RGS7: variants seen among roughly 807,000 people sequenced by gnomAD.
RGS7 encodes the protein regulator of G protein signaling 7.
In RGS7, 27 loss-of-function variants were observed where a neutral mutation model predicts 81.1. The ratio of observed to expected loss-of-function variants is 0.33; its 90% CI spans 0.25 to 0.46. The LOEUF (loss-of-function observed/expected upper bound fraction) is 0.46, where lower values mean the gene tolerates loss of function less well. Among genes scored for constraint, RGS7 ranks in the 20% least tolerant of loss-of-function variants. The pLI is 1.00. For synonymous variants in RGS7, 208 were observed against 207.7 expected, an observed-to-expected ratio of 1.00 and a Z score of -0.01; for missense variants, 396 against 607.4, an observed-to-expected ratio of 0.65 and a Z score of 3.66.
At chr1:241,018,547 G>T (rs886605870) in intron 3 of RGS7, among the ~76,000 whole-genome samples, 1 of 151,848 alleles carries the variant, frequency 6.6e-6, no homozygotes, top group East Asian at 1.9e-4. Flanking sequence ...TTGATTTGGG[G>T]GATATTCTTG....
At chr1:240,795,867 G>A (rs900716360) in intron 18 of RGS7, among the ~76,000 whole-genome samples, 1 of 152,182 alleles carries the variant, frequency 6.6e-6, no homozygotes, top group African/African-American at 2.4e-5. Flanking sequence ...GCTAATTGGA[G>A]CTGTGTCTGG....
intron 2 of RGS7, among the ~76,000 whole-genome samples, chr1:241,218,644 TTTTG>T (rs1345425424): frequency 2.6e-5 from 4 of 152,054 alleles, no homozygotes; most frequent in African/African-American, 7.2e-5. Flanking sequence ...GAATTACAAT[TTTTG>T]TTTGTTTGTT....
chr1:241,110,030 T>C lies in RGS7; in HGVS notation c.79-11268A>G, dbSNP rs555335575. On this transcript the variant is annotated intron_variant, in intron 2 of 18. Transcript: ENST00000440928. ...TTAAAATATTAAACGTTAAGTTCTTTATTCAAATGTCTGTTGTAACACATT... is the reference window on the plus strand; with the variant it reads ...TTAAAATATTAAACGTTAAGTTCTTCATTCAAATGTCTGTTGTAACACATT... Among the ~76,000 whole-genome samples, 6 of 152,304 alleles carry C rather than the reference T, an allele frequency of 3.9e-5. No individual in the cohort carries two copies. The East Asian group carries it at 1.2e-3, about 29-fold the overall frequency.
At position 240,808,067 on chromosome 1, in the gene RGS7, C is replaced by T. The variant is rs7524602; in HGVS notation, c.1083-1741G>A. On this transcript the variant is annotated intron_variant, in intron 14 of 18. Coordinates refer to ENST00000440928, the MANE Select transcript of RGS7 (RefSeq NM_001364886.1). Reference sequence around the variant, plus strand: ...AAAAAAAAAAAAAGGGAATACTACGCATAATCCGAGGGAGCAGAAGTGTTG... The same window carrying T: ...AAAAAAAAAAAAAGGGAATACTACGTATAATCCGAGGGAGCAGAAGTGTTG... Among the ~76,000 whole-genome samples, 1,219 of 148,844 alleles carry T rather than the reference C, an allele frequency of 8.2e-3. 24 individuals carry two copies. The highest frequency in any genetic ancestry group is 0.025 in the South Asian group (117 of 4,738).
At chr1:240,860,457 T>A (rs1227581922) in intron 9 of RGS7, among the ~76,000 whole-genome samples, 1 of 152,172 alleles carries the variant, frequency 6.6e-6, no homozygotes, top group Non-Finnish European at 1.5e-5. Flanking sequence ...TATGTAATAT[T>A]CCTCTTTATC....
chr1:240,898,420 A>C (rs1048810585), intron 6 of RGS7, among the ~76,000 whole-genome samples: 1 of 152,092 alleles, frequency 6.6e-6, no homozygotes, highest in Non-Finnish European at 1.5e-5. Flanking sequence ...GTGGTCATTT[A>C]GTGGTATAAA....
At chr1:240,789,162 T>C (rs184957432) in intron 18 of RGS7, among the ~76,000 whole-genome samples, 1 of 151,416 alleles carries the variant, frequency 6.6e-6, no homozygotes, top group East Asian at 1.9e-4. Context: ...TCTCTGAACA[T>C]AAATTGTGAA....
intron 14 of RGS7, among the ~76,000 whole-genome samples, chr1:240,806,628 G>T (rs941217686): frequency 3.3e-5 from 5 of 151,772 alleles, no homozygotes; most frequent in African/African-American, 1.2e-4. Flanking sequence ...AGTGTTTGTT[G>T]TTAAAAGCAG....
chr1:240,842,733 C>T (rs1316783871), intron 9 of RGS7, among the ~76,000 whole-genome samples: 1 of 152,012 alleles, frequency 6.6e-6, no homozygotes, highest in Admixed American at 6.6e-5. Context: ...GTTGGAGTTG[C>T]ATTTCCTTTC....
In RGS7 at chr1:241,147,795, T is replaced by TG. The variant is rs1417013378; in HGVS notation, c.79-49034_79-49033insC. 1.7e-5 allele frequency among the ~76,000 whole-genome samples: 2 copies of TG among 115,712 alleles called. 1 individual carries two copies. Among genetic ancestry groups the TG allele is most frequent in the Non-Finnish European group, 3.5e-5 (2 of 57,504 alleles). 75.9% of individuals were successfully genotyped at this position (115,712 alleles called of 152,430 possible). On this transcript the variant is annotated intron_variant, in intron 2 of 18. Transcript: ENST00000440928. ...AGATTAAGTTTTATATATATATATA[T>TG]ATATATATATATATATATATATATG...
At chr1:241,340,334 A>G (rs2082470070) in intron 2 of RGS7, among the ~76,000 whole-genome samples, 1 of 152,196 alleles carries the variant, frequency 6.6e-6, no homozygotes, top group Admixed American at 6.5e-5. Context: ...CCCTCAGAAT[A>G]GAGGGAATGC....
At chr1:240,914,606 A>T (rs1455251376) in intron 6 of RGS7, among the ~76,000 whole-genome samples, 1 of 152,222 alleles carries the variant, frequency 6.6e-6, no homozygotes, top group Non-Finnish European at 1.5e-5. Context: ...GGGTGTAAAA[A>T]AGAACGAAAA....
At chr1:240,921,098 T>G (rs751538472) in intron 6 of RGS7, among the ~76,000 whole-genome samples, 13 of 152,144 alleles carry the variant, frequency 8.5e-5, no homozygotes, top group Admixed American at 3.9e-4. Context: ...AGCCGTTGTC[T>G]TCAGAAACCT....
chr1:240,795,779 A>C (rs1686951319), intron 18 of RGS7, among the ~76,000 whole-genome samples: 1 of 152,206 alleles, frequency 6.6e-6, no homozygotes, highest in Non-Finnish European at 1.5e-5. Context: ...AATGCATTTT[A>C]AGTGAATAAA....
chr1:240,919,726 A>T (rs573685365), intron 6 of RGS7: 42 of 621,784 alleles, frequency 6.8e-5, no homozygotes, highest in Non-Finnish European at 1.2e-4. Flanking sequence ...GCTTTGAAAC[A>T]AGGTGAGAGC....
At chr1:240,842,025 T>C (rs926350241) in intron 9 of RGS7, among the ~76,000 whole-genome samples, 2 of 152,026 alleles carry the variant, frequency 1.3e-5, no homozygotes, top group Non-Finnish European at 2.9e-5. Flanking sequence ...CCTCAGTGTA[T>C]GAAATACTGC....
intron 2 of RGS7, among the ~76,000 whole-genome samples, chr1:241,135,879 T>C (rs1051506061): frequency 3.3e-5 from 5 of 151,478 alleles, no homozygotes; most frequent in Admixed American, 3.3e-4. Context: ...TTCAAGCAAT[T>C]GTCCTGCCTC....
At chr1:240,861,088 G>C (rs1662116877) in intron 9 of RGS7, among the ~76,000 whole-genome samples, 1 of 152,128 alleles carries the variant, frequency 6.6e-6, no homozygotes, top group Admixed American at 6.5e-5. Context: ...AAGAGATCAT[G>C]GTCTGACAGA....
At chr1:241,074,898 A>G (rs2062701660) in intron 3 of RGS7, among the ~76,000 whole-genome samples, 1 of 152,186 alleles carries the variant, frequency 6.6e-6, no homozygotes, top group Non-Finnish European at 1.5e-5. Context: ...TTAAAAAAAA[A>G]TTTAAGTTTT....
Sources: gnomAD v4.1 joint callset for allele counts (sites outside exome capture counted in the v4.1 genomes callset) on GRCh38, gnomAD v4.1.1 for gene constraint, MANE v1.5 for transcripts, NCBI Gene and HGNC (gene_info 2026-07-23, HGNC 2026-07-21) for gene names.